The following VWA3B variants were observed in gnomAD, a reference collection of about 807,000 sequenced individuals.
VWA3B encodes the protein von Willebrand factor A domain-containing protein 3B.
In VWA3B, 138 loss-of-function variants were observed where a neutral mutation model predicts 158.3. The ratio of observed to expected loss-of-function variants is 0.87; its 90% CI spans 0.76 to 1.00. The LOEUF (loss-of-function observed/expected upper bound fraction) is 1.00. Ranked by LOEUF, VWA3B falls within the 50% of genes least tolerant of loss-of-function variation. The pLI is 0.00. For missense variants in VWA3B, 1,555 were observed against 1,565.1 expected, an observed-to-expected ratio of 0.99 and a Z score of 0.11; for synonymous variants, 596 against 587.3, an observed-to-expected ratio of 1.01 and a Z score of -0.21.
intron 6 of VWA3B, among the ~76,000 whole-genome samples, chr2:98,128,959 G>A (rs1254814598): frequency 6.6e-6 from 1 of 152,250 alleles, no homozygotes. Flanking sequence ...GTGCTTCCCT[G>A]TGTGGCCTGC....
At position 98,230,147 on chromosome 2, in the gene VWA3B, T is replaced by A; in HGVS notation, c.2248T>A (p.Leu750Met). The change falls in exon 16 of 28, where the codon TTG becomes ATG. Residue 750 changes from leucine to methionine, a missense_variant. Coordinates refer to ENST00000477737, the MANE Select transcript of VWA3B (RefSeq NM_144992.5). ...DSTQTSSLNM[L>M]KGPWGLSDQK... is the part of the protein sequence containing the mutation. Reference sequence around the variant, plus strand: ...AACACAAACTTCATCTCTGAATATGTTGAAGGGACCATGGGGCCTTTCAGA... The same window carrying A: ...AACACAAACTTCATCTCTGAATATGATGAAGGGACCATGGGGCCTTTCAGA... 1 of 1,611,156 alleles carries A rather than the reference T, an allele frequency of 6.2e-7. No homozygotes were observed. Among genetic ancestry groups the A allele is most frequent in the South Asian group, 1.1e-5 (1 of 90,168 alleles).
chr2:98,092,223 C>T (rs1454058283), intron 1 of VWA3B, among the ~76,000 whole-genome samples: 5 of 152,348 alleles, frequency 3.3e-5, no homozygotes, highest in Non-Finnish European at 7.3e-5. Flanking sequence ...GAGTTTTATC[C>T]TTCTCATCCT....
chr2:98,304,706 C>G (rs757854873), intron 26 of VWA3B, among the ~76,000 whole-genome samples: 4 of 152,112 alleles, frequency 2.6e-5, no homozygotes, highest in Non-Finnish European at 5.9e-5. Flanking sequence ...TCCACTGCCT[C>G]GGGTCCTGGA....
Position 98,312,047 on chromosome 2 carries a change from G to C in VWA3B, c.3735+15G>C. 1.3e-6 allele frequency: 2 copies of C among 1,592,280 alleles called. No homozygotes were observed. The highest frequency in any genetic ancestry group is 1.1e-5 in the South Asian group (1 of 88,316). On this transcript the variant is annotated intron_variant, in intron 27 of 27. Transcript: ENST00000477737. ...CCGAGCCCAGGGTTTGGGTGATGGG[G>C]GGGGAACACAACATCGCTTATCTCA... is the stretch of plus-strand genomic sequence containing the variant.
rs376156719 is a variant in VWA3B, at chr2:98,270,858, A to G, written c.3020A>G (p.Asn1007Ser). Residue 1007 changes from asparagine to serine, a missense_variant, in exon 22 of 28, where the codon AAT (asparagine) becomes AGT (serine). By Grantham distance (46) the Asn-to-Ser change is conservative. Transcript: ENST00000477737. Reference sequence around the variant, plus strand: ...GAACTCCAGGAGGCTGCCAAGAAGAATTATGCAAACAAGGCCCCGGGAGAG... The same window carrying G: ...GAACTCCAGGAGGCTGCCAAGAAGAGTTATGCAAACAAGGCCCCGGGAGAG... ...AMELQEAAKKNYANKAPGEQQ... is the reference protein window; with the variant it reads ...AMELQEAAKKSYANKAPGEQQ... 9 of 1,613,922 alleles carry G rather than the reference A, an allele frequency of 5.6e-6. No individual in the cohort carries two copies. The highest frequency in any genetic ancestry group is 2.2e-5 in the East Asian group (1 of 44,894).
At position 98,125,271 on chromosome 2, in the gene VWA3B, G is replaced by GA. The variant is rs981110386; in HGVS notation, c.703-2962dup. On this transcript the variant is annotated intron_variant, in intron 5 of 27. Transcript: ENST00000477737. The surrounding 1 kb of genome is among the most constrained non-coding windows in gnomAD (Gnocchi z 4.1). ...TGGATGGTGGGGTAACCACAGAAGT[G>GA]AAAAAAGTGACTGTCTGGGGCCACC... Among the ~76,000 whole-genome samples the GA allele has an allele frequency of 1.3e-5, 2 of 152,194 alleles. No homozygotes were observed. The highest frequency in any genetic ancestry group is 4.1e-4 in the South Asian group (2 of 4,830).
At chr2:98,202,494 T>G (rs574305675) in intron 12 of VWA3B, among the ~76,000 whole-genome samples, 2 of 152,262 alleles carry the variant, frequency 1.3e-5, no homozygotes, top group Admixed American at 1.3e-4. Context: ...AACAAATGTT[T>G]TAAATTGTGT....
intron 7 of VWA3B, among the ~76,000 whole-genome samples, chr2:98,156,118 A>G (rs1051941107): frequency 2.6e-5 from 4 of 152,206 alleles, no homozygotes; most frequent in African/African-American, 4.8e-5. Flanking sequence ...CACTCTGGGA[A>G]GACCGCACTG....
chr2:98,109,906 T>G (rs1432626894), intron 2 of VWA3B, among the ~76,000 whole-genome samples: 1 of 152,006 alleles, frequency 6.6e-6, no homozygotes, highest in Non-Finnish European at 1.5e-5. Context: ...TGATATATGC[T>G]TTAAAGATTT....
chr2:98,207,621 G>A, intron 12 of VWA3B: 1 of 479,078 alleles, frequency 2.1e-6, no homozygotes, highest in Non-Finnish European at 4.1e-6. Flanking sequence ...AAGGATTTCA[G>A]CAGATTTTGA....
chr2:98,135,435 A>G (rs1676205662), intron 7 of VWA3B, among the ~76,000 whole-genome samples: 1 of 133,702 alleles, frequency 7.5e-6, no homozygotes, highest in African/African-American at 2.8e-5. Flanking sequence ...TCCCGGGTTC[A>G]CGCCATTCTC....
At position 98,230,187 on chromosome 2, in the gene VWA3B, A is replaced by G. The variant is rs1459443267; in HGVS notation, c.2288A>G (p.Lys763Arg). The stretch of plus-strand genomic sequence containing the variant: ...GGCCTTTCAGATCAAAAGGTTCAGA[A>G]AAAGAAAGTCCTTCACGCAGGTATC... ...PWGLSDQKVQ[K>R]KKVLHAESTK... Residue 763 changes from lysine (K) to arginine (R), a missense_variant, in exon 16 of 28, where the codon AAA (lysine) becomes AGA (arginine). Physicochemically the swap from Lys to Arg is conservative, Grantham distance 26. Coordinates refer to ENST00000477737, the MANE Select transcript of VWA3B (RefSeq NM_144992.5). 6.3e-7 allele frequency: 1 copy of G among 1,582,844 alleles called. No individual in the cohort carries two copies. Among genetic ancestry groups the G allele is most frequent in the Admixed American group, 2.0e-5 (1 of 50,074 alleles).
chr2:98,206,923 A>C (rs1683069832), intron 12 of VWA3B: 2 of 449,864 alleles, frequency 4.4e-6, no homozygotes, highest in South Asian at 3.3e-5. Context: ...CAACTTAAAA[A>C]ATGTTACCTC....
intron 10 of VWA3B, among the ~76,000 whole-genome samples, chr2:98,189,266 G>A (rs964792560): frequency 1.3e-5 from 2 of 152,176 alleles, no homozygotes; most frequent in African/African-American, 4.8e-5. Context: ...AATTAGCTAG[G>A]CATGGTGGCG....
rs1433271581 is a variant in VWA3B at position 98,270,716 on chromosome 2, A to C, written c.2878A>C (p.Asn960His). 10 of 1,614,016 alleles carry C rather than the reference A, an allele frequency of 6.2e-6. No individual in the cohort carries two copies. The highest frequency in any genetic ancestry group is 8.5e-6 in the Non-Finnish European group (10 of 1,179,998). ...AAACAAACCAATACAGTACTTGGAA[A>C]ACAAAACAGTTTTAAACCAGGCTTT... ...DANKPIQYLE[N>H]KTVLNQALER... Residue 960 changes from asparagine to histidine, a missense_variant, in exon 22 of 28, where the codon AAC becomes CAC. Physicochemically the swap from Asn to His is moderately conservative, Grantham distance 68. Coordinates refer to ENST00000477737, the MANE Select transcript of VWA3B (RefSeq NM_144992.5).
At chr2:98,134,716 T>C (rs1439816818) in intron 7 of VWA3B, among the ~76,000 whole-genome samples, 1 of 152,108 alleles carries the variant, frequency 6.6e-6, no homozygotes, top group Non-Finnish European at 1.5e-5. Context: ...AACAGATTTC[T>C]AGCTTCATTA....
At chr2:98,300,561 C>T (rs1260006244) in intron 25 of VWA3B, among the ~76,000 whole-genome samples, 1 of 152,168 alleles carries the variant, frequency 6.6e-6, no homozygotes, top group Non-Finnish European at 1.5e-5. Flanking sequence ...TCCTCCGCCT[C>T]CTCAGACTGC....
intron 2 of VWA3B, among the ~76,000 whole-genome samples, chr2:98,112,177 C>T (rs1378222272): frequency 6.6e-6 from 1 of 151,826 alleles, no homozygotes. Context: ...GAGTCCTTTC[C>T]TCATTGCTTA....
intron 9 of VWA3B, among the ~76,000 whole-genome samples, chr2:98,184,394 A>T (rs1308980581): frequency 1.3e-5 from 2 of 152,162 alleles, no homozygotes; most frequent in East Asian, 3.9e-4. Flanking sequence ...GCTTATCTCC[A>T]TGCAGTTAAC....
Sources: allele counts gnomAD v4.1 joint callset (sites outside exome capture counted in the v4.1 genomes callset), GRCh38; gene constraint gnomAD v4.1.1; non-coding constraint Gnocchi (gnomAD v3.1); transcripts MANE v1.5; gene names NCBI Gene and HGNC (gene_info 2026-07-23, HGNC 2026-07-21).